Variants in RALGPS1 observed in about 807,000 individuals in gnomAD.
RALGPS1 encodes ras-specific guanine nucleotide-releasing factor RalGPS1.
RALGPS1 carries 19 observed loss-of-function variants against 78.8 expected under a neutral mutation model. The ratio of observed to expected loss-of-function variants is 0.24; its 90% CI spans 0.17 to 0.35. The LOEUF is 0.35. Among genes scored for constraint, RALGPS1 ranks in the 10% least tolerant of loss-of-function variants. RALGPS1 has a pLI of 1.00. For missense variants in RALGPS1, 454 were observed against 688.3 expected (o/e 0.66, Z 3.81); for synonymous variants, 228 against 256.3 (o/e 0.89, Z 1.06).
In RALGPS1 at chr9:127,219,480, G is replaced by A. The variant is rs2062718521; in HGVS notation, c.*711G>A. 6.5e-6 allele frequency: 1 copy of A among 152,740 alleles called. No individual in the cohort carries two copies. Among genetic ancestry groups the A allele is most frequent in the African/African-American group, 2.4e-5 (1 of 41,430 alleles). The allele number at this position is 152,740 out of a possible 1,614,324, so 9.5% of individuals were successfully genotyped here. On this transcript the variant is annotated 3_prime_UTR_variant, in exon 19 of 19. Transcript: ENST00000259351. This position sits in a 1 kb window ranked among gnomAD's most constrained non-coding sequence, Gnocchi z 5.0. ...CAAACAATGCCTTAAATTGTGTCTT[G>A]TTTTCTGTTCCTATGGGTGCTATTC... is the stretch of plus-strand genomic sequence containing the variant.
chr9:127,210,039 C>G (rs915055725), intron 14 of RALGPS1, among the ~76,000 whole-genome samples: 33 of 152,144 alleles, frequency 2.2e-4, no homozygotes, highest in Non-Finnish European at 4.4e-5. Context: ...AAAGAGGGTG[C>G]CTCCCCGCGA....
intron 4 of RALGPS1, among the ~76,000 whole-genome samples, chr9:127,021,609 A>G (rs1365289536): frequency 1.3e-5 from 2 of 150,342 alleles, no homozygotes; most frequent in African/African-American, 2.4e-5. Flanking sequence ...AAAAAAAAGA[A>G]AAGTTTTTCT....
intron 14 of RALGPS1, chr9:127,210,623 G>A (rs2184057): frequency 2.6e-6 from 3 of 1,148,798 alleles, no homozygotes; most frequent in East Asian, 5.1e-5. Context: ...TGTTGTCGGG[G>A]TGCTCTTGCC....
At chr9:127,175,637 A>G (rs1042905317) in intron 11 of RALGPS1, among the ~76,000 whole-genome samples, 4 of 145,942 alleles carry the variant, frequency 2.7e-5, no homozygotes, top group Admixed American at 6.8e-5. Context: ...GTTCTAGGCC[A>G]CTGCAGTCTT....
chr9:127,213,626 G>A (rs1169626626), intron 17 of RALGPS1, among the ~76,000 whole-genome samples: 1 of 152,210 alleles, frequency 6.6e-6, no homozygotes, highest in Non-Finnish European at 1.5e-5. Flanking sequence ...ACTATGGTGG[G>A]TCTCCTCAGT....
intron 4 of RALGPS1, among the ~76,000 whole-genome samples, chr9:126,988,656 T>G (rs1436695538): frequency 6.6e-6 from 1 of 152,166 alleles, no homozygotes; most frequent in East Asian, 1.9e-4. Context: ...CCACCTGTAG[T>G]CAGGGAGACT....
At chr9:127,077,166 T>C (rs954971229) in intron 8 of RALGPS1, among the ~76,000 whole-genome samples, 2 of 152,098 alleles carry the variant, frequency 1.3e-5, no homozygotes, top group Admixed American at 6.5e-5. Context: ...TGGATTTGCA[T>C]TGAACACACC....
chr9:127,127,427 C>T (rs1274972106), intron 8 of RALGPS1, among the ~76,000 whole-genome samples: 3 of 152,214 alleles, frequency 2.0e-5, no homozygotes, highest in Admixed American at 6.5e-5. Context: ...TGTTTTCTCA[C>T]CCAAACCTTC....
chr9:127,172,501 T>C (rs1347175769), intron 10 of RALGPS1, among the ~76,000 whole-genome samples: 1 of 152,226 alleles, frequency 6.6e-6, no homozygotes, highest in African/African-American at 2.4e-5. Flanking sequence ...TATCTTTGAC[T>C]ACTTCTGTGC....
At chr9:127,125,379 G>A (rs886620313) in intron 8 of RALGPS1, among the ~76,000 whole-genome samples, 3 of 152,206 alleles carry the variant, frequency 2.0e-5, no homozygotes, top group African/African-American at 7.2e-5. Context: ...GAAGAGCCAT[G>A]GCTCAAAGTC....
At chr9:126,960,963 G>C (rs1320649327) in intron 1 of RALGPS1, among the ~76,000 whole-genome samples, 1 of 152,040 alleles carries the variant, frequency 6.6e-6, no homozygotes, top group Non-Finnish European at 1.5e-5. Context: ...CCTCTGACTT[G>C]ACTGCCGCAG....
intron 8 of RALGPS1, among the ~76,000 whole-genome samples, chr9:127,072,712 G>A (rs1313067248): frequency 6.6e-6 from 1 of 152,056 alleles, no homozygotes; most frequent in African/African-American, 2.4e-5. Flanking sequence ...ATAAATTTTT[G>A]ACAACTTGGT....
intron 4 of RALGPS1, among the ~76,000 whole-genome samples, chr9:127,023,213 T>C (rs1464155406): frequency 6.6e-6 from 1 of 152,182 alleles, no homozygotes; most frequent in Non-Finnish European, 1.5e-5. Context: ...CAATGTCTAT[T>C]AGGACTGCAA....
intron 4 of RALGPS1, among the ~76,000 whole-genome samples, chr9:126,992,010 T>C (rs1468388498): frequency 6.6e-5 from 10 of 152,226 alleles, no homozygotes; most frequent in Non-Finnish European, 2.9e-5. Context: ...GTCTGGTACA[T>C]GACAGGATCA....
At chr9:127,039,783 G>GA (rs1005097655) in intron 5 of RALGPS1, among the ~76,000 whole-genome samples, 1 of 152,106 alleles carries the variant, frequency 6.6e-6, no homozygotes, top group African/African-American at 2.4e-5. Flanking sequence ...AAATGGGAGG[G>GA]AAAGGGGGAA....
chr9:127,037,287 A>G (rs1468828535), intron 5 of RALGPS1, among the ~76,000 whole-genome samples: 1 of 152,196 alleles, frequency 6.6e-6, no homozygotes. Flanking sequence ...GATGCTGAAA[A>G]TTTTGGAAAA....
chr9:127,115,464 A>G (rs907361049), intron 8 of RALGPS1, among the ~76,000 whole-genome samples: 3 of 152,226 alleles, frequency 2.0e-5, no homozygotes, highest in African/African-American at 7.2e-5. Context: ...CTGAGCAACA[A>G]ACTATATGAT....
At chr9:127,109,406 C>T (rs2054580133) in intron 8 of RALGPS1, among the ~76,000 whole-genome samples, 1 of 152,204 alleles carries the variant, frequency 6.6e-6, no homozygotes, top group African/African-American at 2.4e-5. Context: ...TTATGGAATA[C>T]ATTCAGGGTT....
chr9:127,176,561 C>G (rs1027124875), intron 11 of RALGPS1, among the ~76,000 whole-genome samples: 4 of 152,206 alleles, frequency 2.6e-5, no homozygotes, highest in African/African-American at 9.6e-5. Flanking sequence ...GTGGTCTGTC[C>G]TTCCGAGTCC....
Sources: allele counts gnomAD v4.1 joint callset (sites outside exome capture counted in the v4.1 genomes callset), GRCh38; gene constraint gnomAD v4.1.1; non-coding constraint Gnocchi (gnomAD v3.1); transcripts MANE v1.5; gene names NCBI Gene and HGNC (gene_info 2026-07-23, HGNC 2026-07-21).